The following HCN1 variants were observed in gnomAD, a reference collection of about 807,000 sequenced individuals.
HCN1 encodes the protein potassium/sodium hyperpolarization-activated cyclic nucleotide-gated channel 1.
Under a neutral mutation model 78.9 loss-of-function variants are expected in HCN1, and 13 were observed. The observed-to-expected ratio is 0.16, with a 90% CI of 0.11 to 0.26. HCN1 has a LOEUF of 0.26. Among genes scored for constraint, HCN1 ranks in the 10% least tolerant of loss-of-function variants. HCN1 has a pLI of 1.00. For missense variants in HCN1, 810 were observed against 1,154.3 expected (o/e 0.70, Z 4.32); for synonymous variants, 552 against 455.5 (o/e 1.21, Z -2.70).
intron 2 of HCN1, among the ~76,000 whole-genome samples, chr5:45,533,102 CAAT>C (rs1432396844): frequency 2.0e-5 from 3 of 152,122 alleles, no homozygotes; most frequent in South Asian, 2.1e-4. Context: ...ATGGAGGACA[CAAT>C]TCTGAATCAT....
chr5:45,545,816 A>C (rs1052788197), intron 2 of HCN1, among the ~76,000 whole-genome samples: 3 of 151,934 alleles, frequency 2.0e-5, no homozygotes, highest in African/African-American at 7.2e-5. Flanking sequence ...CTCCTTCTTG[A>C]GACACTCTTC....
chr5:45,518,901 A>G (rs1335663268), intron 2 of HCN1, among the ~76,000 whole-genome samples: 1 of 151,960 alleles, frequency 6.6e-6, no homozygotes, highest in Non-Finnish European at 1.5e-5. Flanking sequence ...ATGCCTTCAT[A>G]TAAGATCTCA....
chr5:45,557,875 C>T (rs955221584), intron 2 of HCN1: 3 of 151,960 alleles, frequency 2.0e-5, no homozygotes, highest in Admixed American at 2.0e-4. Flanking sequence ...TCCCCGTTCC[C>T]TGAGACACAA....
chr5:45,373,385 T>G (rs1747476855), intron 4 of HCN1, among the ~76,000 whole-genome samples: 1 of 107,362 alleles, frequency 9.3e-6, no homozygotes, highest in African/African-American at 4.7e-5. Flanking sequence ...TTATATAATA[T>G]ATGTAAATAT....
intron 5 of HCN1, among the ~76,000 whole-genome samples, chr5:45,325,261 A>AT (rs2111942793): frequency 6.6e-6 from 1 of 151,890 alleles, no homozygotes; most frequent in African/African-American, 2.4e-5. Flanking sequence ...TCAGATTCAC[A>AT]TAACTCTTTA....
At chr5:45,606,905 G>A (rs1744736862) in intron 2 of HCN1, among the ~76,000 whole-genome samples, 1 of 151,858 alleles carries the variant, frequency 6.6e-6, no homozygotes. Flanking sequence ...TATTAAAGTG[G>A]TATGTAGAGA....
chr5:45,570,751 T>C (rs1472824831), intron 2 of HCN1, among the ~76,000 whole-genome samples: 2 of 152,108 alleles, frequency 1.3e-5, no homozygotes, highest in Non-Finnish European at 2.9e-5. Flanking sequence ...CTTTCAGTAA[T>C]ATGGATAAGT....
intron 1 of HCN1, among the ~76,000 whole-genome samples, chr5:45,676,023 ATTGCAG>A (rs1478016675): frequency 6.6e-6 from 1 of 151,774 alleles, no homozygotes; most frequent in African/African-American, 2.4e-5. Flanking sequence ...GGAACTGTCC[ATTGCAG>A]TTGTGTGCAT....
At chr5:45,405,415 A>G (rs1351645311) in intron 3 of HCN1, among the ~76,000 whole-genome samples, 1 of 152,072 alleles carries the variant, frequency 6.6e-6, no homozygotes, top group Non-Finnish European at 1.5e-5. Context: ...TAATCAATTA[A>G]TTAATTATTT....
chr5:45,688,664 T>C (rs1334969437), intron 1 of HCN1, among the ~76,000 whole-genome samples: 2 of 152,056 alleles, frequency 1.3e-5, no homozygotes, highest in Non-Finnish European at 2.9e-5. Flanking sequence ...AACATCTCTG[T>C]GCAAAAACTT....
At chr5:45,439,156 G>A (rs1318165716) in intron 3 of HCN1, among the ~76,000 whole-genome samples, 1 of 151,902 alleles carries the variant, frequency 6.6e-6, no homozygotes, top group Non-Finnish European at 1.5e-5. Flanking sequence ...TGATTATCTT[G>A]TTTATTTTCA....
chr5:45,658,243 T>G (rs2112052110), intron 1 of HCN1, among the ~76,000 whole-genome samples: 1 of 152,266 alleles, frequency 6.6e-6, no homozygotes, highest in East Asian at 1.9e-4. Flanking sequence ...TAATTCCAGA[T>G]GGATTAAAGA....
At chr5:45,469,617 T>C (rs965224588) in intron 2 of HCN1, among the ~76,000 whole-genome samples, 1 of 152,002 alleles carries the variant, frequency 6.6e-6, no homozygotes, top group Non-Finnish European at 1.5e-5. Context: ...TCAGCACTAA[T>C]ATATTGATTT....
chr5:45,517,709 T>A (rs1481986646), intron 2 of HCN1, among the ~76,000 whole-genome samples: 2 of 151,856 alleles, frequency 1.3e-5, no homozygotes, highest in African/African-American at 4.8e-5. Flanking sequence ...GTTCTTCATC[T>A]TTTCTTCTTT....
chr5:45,534,350 C>A (rs913990208), intron 2 of HCN1, among the ~76,000 whole-genome samples: 3 of 133,058 alleles, frequency 2.3e-5, no homozygotes, highest in Non-Finnish European at 3.1e-5. Flanking sequence ...GAGCCAAGAT[C>A]CCGCCATTGC....
In HCN1 at chr5:45,490,729, A is replaced by C. The variant is rs547307429; in HGVS notation, c.850-28722T>G. ...ATGTGCCACATAAATATACATACCT[A>C]CCATGTACTCACAATTTTTTTAAAT... On this transcript the variant is annotated intron_variant, in intron 2 of 7. Transcript: ENST00000303230. Among the ~76,000 whole-genome samples the C allele has an allele frequency of 2.0e-5, 3 of 152,264 alleles. 1 individual carries two copies. In the South Asian group the frequency reaches 6.2e-4, roughly 32 times the overall value.
chr5:45,676,265 G>A (rs1746264618), intron 1 of HCN1, among the ~76,000 whole-genome samples: 1 of 151,552 alleles, frequency 6.6e-6, no homozygotes. Flanking sequence ...CAACCATATT[G>A]TAATATGTGT....
chr5:45,340,441 T>C, intron 5 of HCN1, among the ~76,000 whole-genome samples: 1 of 152,174 alleles, frequency 6.6e-6, no homozygotes, highest in East Asian at 1.9e-4. Context: ...GAATATATGC[T>C]TCAATTTATC....
chr5:45,412,741 G>T (rs1740046999), intron 3 of HCN1, among the ~76,000 whole-genome samples: 1 of 137,056 alleles, frequency 7.3e-6, no homozygotes, highest in Non-Finnish European at 1.6e-5. Context: ...GTAGGGTTCA[G>T]GTTGATCCCC....
Sources: allele counts gnomAD v4.1 joint callset (sites outside exome capture counted in the v4.1 genomes callset), GRCh38; gene constraint gnomAD v4.1.1; transcripts MANE v1.5; gene names NCBI Gene and HGNC (gene_info 2026-07-23, HGNC 2026-07-21).